The following PTPRD variants were observed in gnomAD, a reference collection of about 807,000 sequenced individuals.
PTPRD encodes the protein protein tyrosine phosphatase receptor type D, also known as receptor-type tyrosine-protein phosphatase delta.
A neutral mutation model predicts 214.5 loss-of-function variants in PTPRD; 34 were observed. That is an observed-to-expected ratio of 0.16 (90% confidence interval 0.12 to 0.21). The LOEUF is 0.21. Ranked by LOEUF, PTPRD falls within the 10% of genes least tolerant of loss-of-function variation. PTPRD has a pLI of 1.00. For missense variants in PTPRD, 2,545 were observed against 2,398.7 expected (o/e 1.06, Z -1.27); for synonymous variants, 1,128 against 845.7 (o/e 1.33, Z -5.79).
chr9:8,414,312 T>C (rs1162496494), intron 35 of PTPRD, among the ~76,000 whole-genome samples: 1 of 152,230 alleles, frequency 6.6e-6, no homozygotes, highest in Non-Finnish European at 1.5e-5. Context: ...AGCTATCACC[T>C]GTGACAGCCT....
chr9:9,906,947 C>T (rs1456804363), intron 5 of PTPRD, among the ~76,000 whole-genome samples: 1 of 151,892 alleles, frequency 6.6e-6, no homozygotes, highest in African/African-American at 2.4e-5. Context: ...TTCAGCCATA[C>T]TGACAAAAGT....
intron 7 of PTPRD, among the ~76,000 whole-genome samples, chr9:9,718,103 C>G (rs2097864426): frequency 6.6e-6 from 1 of 152,066 alleles, no homozygotes; most frequent in Non-Finnish European, 1.5e-5. Flanking sequence ...ATATATTTTA[C>G]AAATATCCTT....
At chr9:10,142,643 G>A (rs1356345344) in intron 3 of PTPRD, among the ~76,000 whole-genome samples, 2 of 148,582 alleles carry the variant, frequency 1.3e-5, no homozygotes, top group East Asian at 2.0e-4. Flanking sequence ...TGGAGAGGAT[G>A]TGGAGAAATA....
chr9:10,342,450 C>T (rs957399322), intron 2 of PTPRD, among the ~76,000 whole-genome samples: 2 of 151,942 alleles, frequency 1.3e-5, no homozygotes, highest in Non-Finnish European at 2.9e-5. Context: ...AATGTATCAA[C>T]ATTGTAAAGA....
chr9:9,123,213 C>G (rs970771860), intron 10 of PTPRD, among the ~76,000 whole-genome samples: 1 of 152,140 alleles, frequency 6.6e-6, no homozygotes, highest in African/African-American at 2.4e-5. Context: ...GTCATGGCCT[C>G]ATGCCATCTG....
At position 9,601,109 on chromosome 9, in the gene PTPRD, ATATG is replaced by A. The variant is rs1368778261; in HGVS notation, c.-286-26332_-286-26329del. Among the ~76,000 whole-genome samples the A allele has an allele frequency of 2.8e-3, 283 of 102,158 alleles. 3 individuals carry two copies. The highest frequency in any genetic ancestry group is 8.8e-3 in the African/African-American group (265 of 30,100). 67.0% of individuals were successfully genotyped at this position (102,158 alleles called of 152,430 possible). A position where few individuals can be genotyped will look rare whatever the true frequency, so the allele number is the denominator to read the frequency against. ...AAATACACTGGGAAAAGAGATTAAT[ATATG>A]TGTGTGTGTGTGTGTGTGTGTGTGT... On this transcript the variant is annotated intron_variant, in intron 7 of 45. Coordinates refer to ENST00000381196, the MANE Select transcript of PTPRD (RefSeq NM_002839.4).
At chr9:9,605,605 A>G (rs899432875) in intron 7 of PTPRD, among the ~76,000 whole-genome samples, 94 of 152,122 alleles carry the variant, frequency 6.2e-4, no homozygotes, top group Admixed American at 6.0e-3. Context: ...ATGTATCATT[A>G]TGCAAATTAT....
At chr9:9,440,420 CAATT>C (rs2087109261) in intron 8 of PTPRD, among the ~76,000 whole-genome samples, 1 of 152,010 alleles carries the variant, frequency 6.6e-6, no homozygotes, top group South Asian at 2.1e-4. Flanking sequence ...TAGAAAGGGG[CAATT>C]AATTTGCATG....
chr9:8,641,615 A>G (rs1271580330), intron 12 of PTPRD, among the ~76,000 whole-genome samples: 2 of 151,526 alleles, frequency 1.3e-5, no homozygotes, highest in East Asian at 1.9e-4. Flanking sequence ...CAACAGAGAC[A>G]TGGCCGATAT....
intron 8 of PTPRD, among the ~76,000 whole-genome samples, chr9:9,563,178 G>T (rs1307777482): frequency 6.6e-6 from 1 of 152,148 alleles, no homozygotes; most frequent in Non-Finnish European, 1.5e-5. Flanking sequence ...AAAGGGGCAA[G>T]GGGTGGTCAA....
At chr9:10,543,479 T>TACACACACACAC (rs567757732) in intron 2 of PTPRD, among the ~76,000 whole-genome samples, 17 of 145,062 alleles carry the variant, frequency 1.2e-4, no homozygotes, top group African/African-American at 3.4e-4. Flanking sequence ...TATATATATA[T>TACACACACACAC]ACACACACAC....
In PTPRD at chr9:8,364,431, A is replaced by G. The variant is rs568308420; in HGVS notation, c.4661+11505T>C. 1.4e-4 allele frequency among the ~76,000 whole-genome samples: 21 copies of G among 152,356 alleles called. No individual in the cohort carries two copies. In the South Asian group the frequency reaches 4.3e-3, roughly 32 times the overall value. ...TCCTACTTTATCGAATAGAAGAGGT[A>G]ACAATAGCATCTGCTGCAGCTGGCT... On this transcript the variant is annotated intron_variant, in intron 39 of 45. Coordinates refer to ENST00000381196, the MANE Select transcript of PTPRD (RefSeq NM_002839.4).
chr9:9,455,813 T>A (rs1484715148), intron 8 of PTPRD, among the ~76,000 whole-genome samples: 3 of 151,740 alleles, frequency 2.0e-5, no homozygotes, highest in South Asian at 4.1e-4. Flanking sequence ...TAGTTTTTCA[T>A]AAAGTTCAAA....
chr9:9,911,189 G>T (rs1249789103), intron 5 of PTPRD, among the ~76,000 whole-genome samples: 1 of 151,990 alleles, frequency 6.6e-6, no homozygotes, highest in Non-Finnish European at 1.5e-5. Flanking sequence ...GTTTGGGAAG[G>T]TAGACAGCTA....
chr9:9,461,516 A>G (rs1297443837), intron 8 of PTPRD, among the ~76,000 whole-genome samples: 1 of 152,144 alleles, frequency 6.6e-6, no homozygotes, highest in Non-Finnish European at 1.5e-5. Context: ...CACACGATAT[A>G]CAAACAGAAT....
chr9:8,680,575 C>G (rs564375589), intron 12 of PTPRD, among the ~76,000 whole-genome samples: 2 of 152,106 alleles, frequency 1.3e-5, no homozygotes, highest in Admixed American at 1.3e-4. Flanking sequence ...AGTATATATA[C>G]ACACAAACAT....
At chr9:8,895,796 G>T (rs771519693) in intron 11 of PTPRD, among the ~76,000 whole-genome samples, 1 of 152,142 alleles carries the variant, frequency 6.6e-6, no homozygotes, top group Non-Finnish European at 1.5e-5. Context: ...GAGCCTTCTA[G>T]ATTTAACTCT....
At chr9:9,710,624 G>T (rs541599735) in intron 7 of PTPRD, among the ~76,000 whole-genome samples, 5 of 151,358 alleles carry the variant, frequency 3.3e-5, no homozygotes, top group Admixed American at 6.6e-5. Flanking sequence ...TAATTTAGGA[G>T]ATTCATAAGA....
At chr9:10,517,712 T>C (rs1206625401) in intron 2 of PTPRD, among the ~76,000 whole-genome samples, 1 of 152,062 alleles carries the variant, frequency 6.6e-6, no homozygotes, top group African/African-American at 2.4e-5. Context: ...CAGTTACTGG[T>C]GAGAGTACAA....
Sources: gnomAD v4.1 joint callset for allele counts (sites outside exome capture counted in the v4.1 genomes callset) on GRCh38, gnomAD v4.1.1 for gene constraint, MANE v1.5 for transcripts, NCBI Gene and HGNC (gene_info 2026-07-23, HGNC 2026-07-21) for gene names.